The following MEGF8 variants were observed in gnomAD, a reference collection of about 807,000 sequenced individuals.
The protein encoded by MEGF8 is multiple epidermal growth factor-like domains protein 8.
MEGF8 carries 156 observed loss-of-function variants against 302.9 expected under a neutral mutation model. The ratio of observed to expected loss-of-function variants is 0.52; its 90% CI spans 0.45 to 0.59. The LOEUF is 0.59. MEGF8 is among the 20% of genes least tolerant of loss of function. The probability of loss-of-function intolerance (pLI) is 0.00; values close to 1 mark genes in which losing one functional copy is unlikely to be tolerated. For missense variants in MEGF8, 3,345 were observed against 3,964.5 expected, an observed-to-expected ratio of 0.84 and a Z score of 4.20; for synonymous variants, 1,621 against 1,660.5, an observed-to-expected ratio of 0.98 and a Z score of 0.58.
rs1057257680 is a variant in MEGF8 at position 42,349,355 on chromosome 19, T to C, written c.2299-144T>C. The C allele has an allele frequency of 2.3e-5, 14 of 604,916 alleles. No individual in the cohort carries two copies. In the Admixed American group the frequency reaches 4.4e-4, roughly 19 times the overall value. The allele number at this position is 604,916 out of a possible 1,614,324, so 37.5% of individuals were successfully genotyped here. The stretch of plus-strand genomic sequence containing the variant: ...GAGGAGGGTCCCTGGGGGTCTCACC[T>C]CTGAGGTTCTCAGGATCTAAGGAGC... On this transcript the variant is annotated intron_variant, in intron 13 of 41. Coordinates refer to ENST00000251268, the MANE Select transcript of MEGF8 (RefSeq NM_001271938.2).
chr19:42,334,700 G>A (rs961644907), intron 3 of MEGF8, among the ~76,000 whole-genome samples: 2 of 152,110 alleles, frequency 1.3e-5, no homozygotes, highest in Admixed American at 1.3e-4. Context: ...TATTCTCCCA[G>A]CCTGCCGTCT....
chr19:42,344,644 C>T lies in MEGF8; in HGVS notation c.1934-26C>T, dbSNP rs1200963289. On this transcript the variant is annotated intron_variant, in intron 11 of 41. Transcript: ENST00000251268. This position sits in a 1 kb window ranked among gnomAD's most constrained non-coding sequence, Gnocchi z 4.5. Reference sequence around the variant, plus strand: ...GGCCAGAGCACTCCACACTGACCCACCGGCCCCCACCCCCTGTCTTCTCAG... The same window carrying T: ...GGCCAGAGCACTCCACACTGACCCATCGGCCCCCACCCCCTGTCTTCTCAG... 3 of 1,561,044 alleles carry T rather than the reference C, an allele frequency of 1.9e-6. No homozygotes were observed. Among genetic ancestry groups the T allele is most frequent in the East Asian group, 2.3e-5 (1 of 44,052 alleles).
Position 42,356,090 on chromosome 19 carries a change from G to C in MEGF8, c.4400G>C (p.Gly1467Ala), listed in dbSNP as rs1252062676. 1 of 1,589,426 alleles carries C rather than the reference G, an allele frequency of 6.3e-7. No individual in the cohort carries two copies. The highest frequency in any genetic ancestry group is 8.6e-7 in the Non-Finnish European group (1 of 1,165,164). Reference protein sequence around the residue: ...TGAGTCNQSLGVCICAEGFGG... With the variant: ...TGAGTCNQSLAVCICAEGFGG... ...TCCCTTGTCATCCCCCAGAGCCTGG[G>C]TGTGTGCATCTGTGCCGAGGGCTTC... The change falls in exon 25 of 42, where the codon GGT becomes GCT. Residue 1467 changes from glycine (G) to alanine (A), a missense_variant. Transcript: ENST00000251268. The surrounding 1 kb of genome is among the most constrained non-coding windows in gnomAD (Gnocchi z 5.2).
rs1419244239 is a variant in MEGF8, at chr19:42,352,659, C to T, written c.3350+203C>T. 1.1e-5 allele frequency: 8 copies of T among 724,450 alleles called. No homozygotes were observed. The South Asian group carries it at 1.3e-4, about 12-fold the overall frequency. The allele number at this position is 724,450 out of a possible 1,614,324, so 44.9% of individuals were successfully genotyped here. On this transcript the variant is annotated intron_variant, in intron 19 of 41. Transcript: ENST00000251268. This position sits in a 1 kb window ranked among gnomAD's most constrained non-coding sequence, Gnocchi z 4.4. ...CCTGGTTACCATGGAAATGGGGCAC[C>T]CATAGGCTGTGGGCCATAGTCTTCA...
intron 31 of MEGF8, among the ~76,000 whole-genome samples, chr19:42,360,213 T>C (rs1467287252): frequency 6.6e-6 from 1 of 151,662 alleles, no homozygotes; most frequent in Non-Finnish European, 1.5e-5. Flanking sequence ...CCGCCACATC[T>C]ATCTGGTTCG....
At position 42,357,788 on chromosome 19, in the gene MEGF8, G is replaced by A. The variant is rs188699727; in HGVS notation, c.5011+204G>A. 5.3e-5 allele frequency among the ~76,000 whole-genome samples: 8 copies of A among 152,070 alleles called. No homozygotes were observed. The highest frequency in any genetic ancestry group is 1.2e-4 in the African/African-American group (5 of 41,396). ...ACTCCACAACTAACTGCCCACTCCC[G>A]GCCACATGTGGCCACCGTCCCCTGC... On this transcript the variant is annotated intron_variant, in intron 28 of 41. Transcript: ENST00000251268. This position sits in a 1 kb window ranked among gnomAD's most constrained non-coding sequence, Gnocchi z 5.2.
chr19:42,375,774 G>T lies in MEGF8; in HGVS notation c.7537G>T (p.Val2513Phe). Reference protein sequence around the residue: ...YVSTSYDTFVVRVAPDTGVHT... With the variant: ...YVSTSYDTFVFRVAPDTGVHT... Reference sequence around the variant, plus strand: ...CTCCACCTCCTATGACACCTTCGTGGTCCGTGTGGCCCCTGACACTGGCGT... The same window carrying T: ...CTCCACCTCCTATGACACCTTCGTGTTCCGTGTGGCCCCTGACACTGGCGT... Residue 2513 changes from valine (V) to phenylalanine (F), a missense_variant, in exon 42 of 42, where the codon GTC becomes TTC. By Grantham distance (50) the Val-to-Phe change is conservative (BLOSUM62 -1). Transcript: ENST00000251268. This position sits in a 1 kb window ranked among gnomAD's most constrained non-coding sequence, Gnocchi z 7.1. 1 of 1,612,942 alleles carries T rather than the reference G, an allele frequency of 6.2e-7. No homozygotes were observed. Among genetic ancestry groups the T allele is most frequent in the East Asian group, 2.2e-5 (1 of 44,864 alleles).
At position 42,370,052 on chromosome 19, in the gene MEGF8, G is replaced by A. The variant is rs950742211; in HGVS notation, c.6835-137G>A. On this transcript the variant is annotated intron_variant, in intron 38 of 41. Coordinates refer to ENST00000251268, the MANE Select transcript of MEGF8 (RefSeq NM_001271938.2). ...CAAGGGAAGGCGGGGGCTAAATCCC[G>A]CTGGGATTGTCCAAACCAGGTACCC... 115 of 998,498 alleles carry A rather than the reference G, an allele frequency of 1.2e-4. 1 individual carries two copies. The African/African-American group carries it at 1.6e-3, about 14-fold the overall frequency. 61.9% of individuals were successfully genotyped at this position (998,498 alleles called of 1,614,324 possible).
rs771840324 is a variant in MEGF8 at position 42,351,679 on chromosome 19, G to A, written c.3019G>A (p.Asp1007Asn). 36 of 1,590,786 alleles carry A rather than the reference G, an allele frequency of 2.3e-5. No homozygotes were observed. The highest frequency in any genetic ancestry group is 6.7e-5 in the African/African-American group (5 of 74,386). ...VHSEPRCRSC[D>N]GFLTCHECLQ... ...CTCGGAGCCACGGTGCCGGAGCTGC[G>A]ATGGCTTCCTGACCTGCCATGAGTG... Residue 1007 changes from aspartate to asparagine, a missense_variant, in exon 18 of 42, where the codon GAT (aspartate) becomes AAT (asparagine). Asp to Asn is a conservative substitution (Grantham distance 23). Transcript: ENST00000251268. The surrounding 1 kb of genome is among the most constrained non-coding windows in gnomAD (Gnocchi z 5.6).
At chr19:42,343,173 G>A (rs2039238749) in intron 8 of MEGF8, among the ~76,000 whole-genome samples, 1 of 152,210 alleles carries the variant, frequency 6.6e-6, no homozygotes, top group African/African-American at 2.4e-5. Flanking sequence ...GAGAAGTTCA[G>A]TCTCCTGTCC....
intron 8 of MEGF8, among the ~76,000 whole-genome samples, chr19:42,338,747 C>G (rs2039167894): frequency 6.7e-6 from 1 of 148,960 alleles, no homozygotes; most frequent in Non-Finnish European, 1.5e-5. Flanking sequence ...AGAACATGAT[C>G]TCATTCTTTT....
In MEGF8 at chr19:42,368,994, C is replaced by T; in HGVS notation, c.6633C>T (p.Thr2211=). ...GYECSCKTGY[T]MDNMTGLCRP... is the part of the protein sequence containing the mutation. Reference sequence around the variant, plus strand: ...AGTGCAGCTGCAAGACCGGCTATACCATGGACAAGTGAGGCCGCAGGCGGC... The same window carrying T: ...AGTGCAGCTGCAAGACCGGCTATACTATGGACAAGTGAGGCCGCAGGCGGC... The change falls in exon 37 of 42, where the codon ACC becomes ACT. Residue 2211 remains threonine (T), a synonymous_variant. Coordinates refer to ENST00000251268, the MANE Select transcript of MEGF8 (RefSeq NM_001271938.2). This position sits in a 1 kb window ranked among gnomAD's most constrained non-coding sequence, Gnocchi z 4.9. 1.9e-6 allele frequency: 3 copies of T among 1,613,492 alleles called. No individual in the cohort carries two copies. Among genetic ancestry groups the T allele is most frequent in the Non-Finnish European group, 2.5e-6 (3 of 1,179,830 alleles).
chr19:42,359,091 C>A lies in MEGF8; in HGVS notation c.5344-7C>A. On this transcript the variant is annotated splice_polypyrimidine_tract_variant and splice_region_variant and intron_variant, in intron 30 of 41. Coordinates refer to ENST00000251268, the MANE Select transcript of MEGF8 (RefSeq NM_001271938.2). ...TCCTGTCCCCCCACCCCCCGTCTCC[C>A]CAACAGCCCCGCCCCCGGCTTTTCC... 6.6e-7 allele frequency: 1 copy of A among 1,516,184 alleles called. No individual in the cohort carries two copies. Among genetic ancestry groups the A allele is most frequent in the Non-Finnish European group, 8.9e-7 (1 of 1,129,658 alleles). 93.9% of individuals were successfully genotyped at this position (1,516,184 alleles called of 1,614,324 possible). A position where few individuals can be genotyped will look rare whatever the true frequency, so the allele number is the denominator to read the frequency against.
chr19:42,357,218 G>A lies in MEGF8; in HGVS notation c.4831-186G>A, dbSNP rs2039465030. On this transcript the variant is annotated intron_variant, in intron 27 of 41. Coordinates refer to ENST00000251268, the MANE Select transcript of MEGF8 (RefSeq NM_001271938.2). This position sits in a 1 kb window ranked among gnomAD's most constrained non-coding sequence, Gnocchi z 5.2. ...CTTCCCAAAGCCACACCAGGCTTGA[G>A]CAGGTGGAAATGCCAAGGGGCCCAC... 6.6e-6 allele frequency among the ~76,000 whole-genome samples: 1 copy of A among 152,212 alleles called. No homozygotes were observed. Among genetic ancestry groups the A allele is most frequent in the African/African-American group, 2.4e-5 (1 of 41,450 alleles).
rs765604331 is a variant in MEGF8, at chr19:42,336,362, C to T, written c.1244+16C>T. 5 of 1,573,000 alleles carry T rather than the reference C, an allele frequency of 3.2e-6. No homozygotes were observed. The highest frequency in any genetic ancestry group is 4.3e-6 in the Non-Finnish European group (5 of 1,160,300). On this transcript the variant is annotated intron_variant, in intron 6 of 41. Transcript: ENST00000251268. This position sits in a 1 kb window ranked among gnomAD's most constrained non-coding sequence, Gnocchi z 4.8. ...CCACTGCCCGGTAAGTGACCTGTCC[C>T]ATAACCCATGCTCCACAGGCCAGGC...
rs1317980856 is a variant in MEGF8 at position 42,334,169 on chromosome 19, C to G, written c.514C>G (p.Gln172Glu). The change falls in exon 3 of 42, where the codon CAG becomes GAG. Residue 172 changes from glutamine (Q) to glutamate (E), a missense_variant. Transcript: ENST00000251268. ...PGWGGPDCGL[Q>E]ECSAYCGSHG... ...CTGGGGGGGTCCTGACTGTGGCCTG[C>G]AGGAGTGCTCAGCCTACTGTGGCAG... 6.2e-7 allele frequency: 1 copy of G among 1,610,416 alleles called. No homozygotes were observed. Among genetic ancestry groups the G allele is most frequent in the African/African-American group, 1.3e-5 (1 of 74,994 alleles).
In MEGF8 at chr19:42,376,642, C is replaced by A; in HGVS notation, c.8405C>A (p.Ala2802Asp). ...HAPNGACLGS[A>D]LVTLRHRLHE... ...CCCAACGGCGCCTGCCTGGGGTCAGCCCTCGTCACACTGCGGCACAGGCTG... is the reference window on the plus strand; with the variant it reads ...CCCAACGGCGCCTGCCTGGGGTCAGACCTCGTCACACTGCGGCACAGGCTG... The change falls in exon 42 of 42, where the codon GCC becomes GAC. Residue 2802 changes from alanine (A) to aspartate (D), a missense_variant. Ala to Asp is a moderately radical substitution (Grantham distance 126, BLOSUM62 -2). Coordinates refer to ENST00000251268, the MANE Select transcript of MEGF8 (RefSeq NM_001271938.2). This position sits in a 1 kb window ranked among gnomAD's most constrained non-coding sequence, Gnocchi z 8.2. 6.5e-7 allele frequency: 1 copy of A among 1,541,138 alleles called. No homozygotes were observed. Among genetic ancestry groups the A allele is most frequent in the Non-Finnish European group, 8.7e-7 (1 of 1,145,678 alleles).
At position 42,354,523 on chromosome 19, in the gene MEGF8, TC is replaced by T; in HGVS notation, c.4012-62del. 1 of 1,551,010 alleles carries T rather than the reference TC, an allele frequency of 6.4e-7. No homozygotes were observed. ...CCCTCCCCTCTTGAACCCCTCCTCC[TC>T]CCAGACCCCAGGTGTCGTTCTCATC... On this transcript the variant is annotated intron_variant, in intron 22 of 41. Transcript: ENST00000251268. The surrounding 1 kb of genome is among the most constrained non-coding windows in gnomAD (Gnocchi z 4.3).
At position 42,344,309 on chromosome 19, in the gene MEGF8, C is replaced by A; in HGVS notation, c.1789-132C>A. On this transcript the variant is annotated intron_variant, in intron 10 of 41. Transcript: ENST00000251268. This position sits in a 1 kb window ranked among gnomAD's most constrained non-coding sequence, Gnocchi z 4.5. ...CATCCCCCGTCCTCTGGATCTCCCACATTCCAAGTCAACTCCCCGTTCTTC... is the reference window on the plus strand; with the variant it reads ...CATCCCCCGTCCTCTGGATCTCCCAAATTCCAAGTCAACTCCCCGTTCTTC... The A allele has an allele frequency of 7.6e-7, 1 of 1,322,742 alleles. No individual in the cohort carries two copies. The highest frequency in any genetic ancestry group is 1.0e-6 in the Non-Finnish European group (1 of 982,582). 81.9% of individuals were successfully genotyped at this position (1,322,742 alleles called of 1,614,324 possible). A position where few individuals can be genotyped will look rare whatever the true frequency, so the allele number is the denominator to read the frequency against.
Sources: allele counts gnomAD v4.1 joint callset (sites outside exome capture counted in the v4.1 genomes callset), GRCh38; gene constraint gnomAD v4.1.1; non-coding constraint Gnocchi (gnomAD v3.1); transcripts MANE v1.5; gene names NCBI Gene and HGNC (gene_info 2026-07-23, HGNC 2026-07-21).